NRCAM: variants seen among roughly 807,000 people sequenced by gnomAD.
The protein encoded by NRCAM is NgCAM-related cell adhesion molecule.
Under a neutral mutation model 156.5 loss-of-function variants are expected in NRCAM, and 83 were observed. The observed-to-expected ratio is 0.53, with a 90% confidence interval of 0.44 to 0.64. NRCAM has a LOEUF of 0.64. NRCAM is among the 30% of genes least tolerant of loss of function. The probability of loss-of-function intolerance (pLI) is 0.00; values close to 1 mark genes in which losing one functional copy is unlikely to be tolerated. For missense variants in NRCAM, 1,417 were observed against 1,597.3 expected, an observed-to-expected ratio of 0.89 and a Z score of 1.92; for synonymous variants, 538 against 563.9, an observed-to-expected ratio of 0.95 and a Z score of 0.65.
chr7:108,188,401 A>G (rs542398316), intron 20 of NRCAM, among the ~76,000 whole-genome samples: 109 of 148,232 alleles, frequency 7.4e-4, no homozygotes, highest in South Asian at 3.5e-3. Context: ...GTGTGTGTGT[A>G]TATATACATA....
intron 3 of NRCAM, among the ~76,000 whole-genome samples, chr7:108,298,430 G>C (rs2098498042): frequency 6.6e-6 from 1 of 151,812 alleles, no homozygotes; most frequent in Non-Finnish European, 1.5e-5. Flanking sequence ...AGGATCACAA[G>C]GGCAGGAGAT....
At chr7:108,171,165 CCT>C (rs1478171555) in intron 28 of NRCAM, among the ~76,000 whole-genome samples, 1 of 152,138 alleles carries the variant, frequency 6.6e-6, no homozygotes, top group East Asian at 1.9e-4. Context: ...TGTAGTGTCC[CCT>C]TTCTCTGGGC....
chr7:108,415,058 AC>A (rs1563704785), intron 1 of NRCAM, among the ~76,000 whole-genome samples: 7 of 151,922 alleles, frequency 4.6e-5, no homozygotes, highest in Non-Finnish European at 1.0e-4. Context: ...GAAAAAAAAT[AC>A]TCCATTTCTT....
At chr7:108,352,922 T>A (rs368403893) in intron 2 of NRCAM, among the ~76,000 whole-genome samples, 1 of 152,198 alleles carries the variant, frequency 6.6e-6, no homozygotes, top group East Asian at 1.9e-4. Flanking sequence ...TAAATCTCAT[T>A]GATTATGCCT....
intron 1 of NRCAM, among the ~76,000 whole-genome samples, chr7:108,454,635 C>T (rs560328367): frequency 6.6e-6 from 1 of 152,312 alleles, no homozygotes; most frequent in South Asian, 2.1e-4. Flanking sequence ...ATTTTAACAG[C>T]AGGGCATGGT....
At chr7:108,276,712 A>G (rs1270515188) in intron 3 of NRCAM, among the ~76,000 whole-genome samples, 1 of 152,180 alleles carries the variant, frequency 6.6e-6, no homozygotes, top group African/African-American at 2.4e-5. Context: ...GTGTCTTTTA[A>G]TTTGGGCATT....
chr7:108,375,197 T>G (rs576872330), intron 2 of NRCAM, among the ~76,000 whole-genome samples: 1 of 152,118 alleles, frequency 6.6e-6, no homozygotes, highest in Non-Finnish European at 1.5e-5. Context: ...TTGTAGTCCA[T>G]GAGCTACTTG....
chr7:108,360,457 G>C (rs2099542194), intron 2 of NRCAM, among the ~76,000 whole-genome samples: 1 of 152,118 alleles, frequency 6.6e-6, no homozygotes, highest in African/African-American at 2.4e-5. Flanking sequence ...GAGAAAAACA[G>C]AAATAGCAGA....
At chr7:108,159,236 A>C in intron 32 of NRCAM, 1 of 693,138 alleles carries the variant, frequency 1.4e-6, no homozygotes. Flanking sequence ...AAAGTGGGAG[A>C]CATTCCATCT....
At chr7:108,178,278 G>C in intron 25 of NRCAM, 166 bp from the exon 26 acceptor site, 1 of 592,646 alleles carries the variant, frequency 1.7e-6, no homozygotes, top group South Asian at 2.2e-5. Flanking sequence ...CACCCATTTA[G>C]TTATTCTCTT....
intron 17 of NRCAM, 48 bp downstream of exon 17, chr7:108,193,976 A>T (rs773019675): frequency 1.1e-5 from 17 of 1,584,278 alleles, no homozygotes; most frequent in Non-Finnish European, 4.3e-6. Flanking sequence ...GTTCAAGAAT[A>T]GCTTAAAGAA....
chr7:108,364,709 T>C (rs543446025), intron 2 of NRCAM, among the ~76,000 whole-genome samples: 81 of 148,378 alleles, frequency 5.5e-4, no homozygotes, highest in Non-Finnish European at 1.0e-3. Context: ...GGATGAACCT[T>C]AAAAACATTA....
chr7:108,251,270 C>T (rs572430481), intron 3 of NRCAM, among the ~76,000 whole-genome samples: 87 of 152,246 alleles, frequency 5.7e-4, no homozygotes, highest in African/African-American at 1.4e-3. Flanking sequence ...AATACATTTC[C>T]AAGTTATGTT....
chr7:108,414,627 G>T (rs1177519720), intron 1 of NRCAM, among the ~76,000 whole-genome samples: 1 of 152,196 alleles, frequency 6.6e-6, no homozygotes, highest in African/African-American at 2.4e-5. Flanking sequence ...TAATTAGAGG[G>T]CAAATTGTTC....
chr7:108,415,882 C>CA (rs1290743578), intron 1 of NRCAM, among the ~76,000 whole-genome samples: 1 of 152,122 alleles, frequency 6.6e-6, no homozygotes, highest in Admixed American at 6.5e-5. Flanking sequence ...AACTCCCTCT[C>CA]AAAAAACAAA....
chr7:108,296,596 A>G (rs2098458500), intron 3 of NRCAM, among the ~76,000 whole-genome samples: 1 of 151,748 alleles, frequency 6.6e-6, no homozygotes, highest in South Asian at 2.1e-4. Context: ...AGGGAGGGGG[A>G]TTGTAGGGGG....
At chr7:108,160,844 TATA>T (rs1208176903) in intron 30 of NRCAM, among the ~76,000 whole-genome samples, 2 of 152,158 alleles carry the variant, frequency 1.3e-5, no homozygotes, top group Admixed American at 6.5e-5. Context: ...TTACATTAAG[TATA>T]ATGAGAAAAA....
chr7:108,223,595 C>A (rs2092854468), intron 11 of NRCAM, 130 bp downstream of exon 11: 2 of 463,852 alleles, frequency 4.3e-6, no homozygotes, highest in Non-Finnish European at 3.8e-6. Flanking sequence ...AAATAATTAC[C>A]AAATTTTTCT....
chr7:108,338,214 C>T (rs566722699), intron 2 of NRCAM, among the ~76,000 whole-genome samples: 1 of 152,366 alleles, frequency 6.6e-6, no homozygotes, highest in East Asian at 1.9e-4. Context: ...GCGCCCCTAT[C>T]TTTCCTTCTG....
Sources: gnomAD v4.1 joint callset for allele counts (sites outside exome capture counted in the v4.1 genomes callset) on GRCh38, gnomAD v4.1.1 for gene constraint, MANE v1.5 for transcripts, NCBI Gene and HGNC (gene_info 2026-07-23, HGNC 2026-07-21) for gene names.